AIDA: variants seen among roughly 807,000 people sequenced by gnomAD.
AIDA encodes the protein axin interactor, dorsalization-associated protein.
AIDA carries 18 observed loss-of-function variants against 42.7 expected under a neutral mutation model. That is an observed-to-expected ratio of 0.42 (90% CI 0.29 to 0.63). The LOEUF (loss-of-function observed/expected upper bound fraction) is 0.63, where lower values mean the gene tolerates loss of function less well. Ranked by LOEUF, AIDA falls within the 20% of genes least tolerant of loss-of-function variation. AIDA has a pLI of 0.19. For synonymous variants in AIDA, 104 were observed against 122.9 expected (o/e 0.85, Z 1.02); for missense variants, 250 against 354.1 (o/e 0.71, Z 2.36).
At chr1:222,695,653 A>G (rs1655498029) in intron 2 of AIDA, among the ~76,000 whole-genome samples, 1 of 152,004 alleles carries the variant, frequency 6.6e-6, no homozygotes, top group African/African-American at 2.4e-5. Context: ...AGATTCATAT[A>G]AGAAACATAT....
intron 2 of AIDA, among the ~76,000 whole-genome samples, chr1:222,698,379 G>A (rs1401850618): frequency 6.6e-6 from 1 of 151,074 alleles, no homozygotes; most frequent in Non-Finnish European, 1.5e-5. Flanking sequence ...AGAATTAATC[G>A]TCTTAAATAA....
chr1:222,672,831 G>T (rs1304236788), intron 8 of AIDA, among the ~76,000 whole-genome samples: 1 of 152,206 alleles, frequency 6.6e-6, no homozygotes, highest in Non-Finnish European at 1.5e-5. Flanking sequence ...AAAGCATGGG[G>T]AAGTATTTAA....
chr1:222,673,371 T>C lies in AIDA; in HGVS notation c.648A>G (p.Thr216=), dbSNP rs1045577723. 11 of 1,611,124 alleles carry C rather than the reference T, an allele frequency of 6.8e-6. No individual in the cohort carries two copies. Among genetic ancestry groups the C allele is most frequent in the African/African-American group, 4.0e-5 (3 of 74,856 alleles). Residue 216 remains threonine, a synonymous_variant, in exon 8 of 10, where the codon ACA becomes ACG. Coordinates refer to ENST00000340020, the MANE Select transcript of AIDA (RefSeq NM_022831.4). ...DTPVASRKED[T]YVHFNVDIEL... is the part of the protein sequence containing the mutation. ...CAATGTCCACATTAAAATGAACATA[T>C]GTATCTTCTTTTCTTGAAGCCACAG...
chr1:222,705,690 C>G (rs1330567966), intron 1 of AIDA, among the ~76,000 whole-genome samples: 1 of 152,124 alleles, frequency 6.6e-6, no homozygotes, highest in Non-Finnish European at 1.5e-5. Flanking sequence ...CGAGACCAGC[C>G]TAGCCAACAT....
intron 3 of AIDA, 113 bp from the exon 4 acceptor site, chr1:222,693,956 G>T: frequency 1.9e-6 from 2 of 1,025,776 alleles, no homozygotes; most frequent in African/African-American, 1.6e-5. Context: ...TGCTTTCAAG[G>T]TAGAAAATGA....
chr1:222,700,979 G>GC (rs939590949), intron 2 of AIDA, among the ~76,000 whole-genome samples: 4 of 145,586 alleles, frequency 2.7e-5, no homozygotes, highest in Non-Finnish European at 3.0e-5. Flanking sequence ...TTTGGGGGGG[G>GC]GGGGACAGGG....
At chr1:222,679,539 C>T (rs912074463) in intron 6 of AIDA, among the ~76,000 whole-genome samples, 1 of 152,176 alleles carries the variant, frequency 6.6e-6, no homozygotes, top group African/African-American at 2.4e-5. Flanking sequence ...TGTTCTAATC[C>T]TTTACATGTA....
At chr1:222,689,469 ATG>A (rs770894575) in intron 4 of AIDA, among the ~76,000 whole-genome samples, 1,057 of 61,246 alleles carry the variant, frequency 0.017, 20 homozygotes, top group South Asian at 0.04. Flanking sequence ...GAAAATATGT[ATG>A]TGTGTGTGTG....
chr1:222,708,493 G>A (rs1328386341), intron 1 of AIDA, among the ~76,000 whole-genome samples: 3 of 151,454 alleles, frequency 2.0e-5, no homozygotes, highest in African/African-American at 7.3e-5. Context: ...TCAGCCTCCC[G>A]AGCAGCTGGG....
chr1:222,689,393 T>A (rs1655285903), intron 4 of AIDA, among the ~76,000 whole-genome samples: 1 of 148,310 alleles, frequency 6.7e-6, no homozygotes, highest in South Asian at 2.1e-4. Context: ...CGAGCGGAGA[T>A]CATGCCACTG....
intron 2 of AIDA, among the ~76,000 whole-genome samples, chr1:222,700,634 A>G (rs1328677421): frequency 1.3e-5 from 2 of 151,800 alleles, no homozygotes; most frequent in Non-Finnish European, 2.9e-5. Flanking sequence ...CGGGCGCCTT[A>G]GTCCCAGCTA....
chr1:222,688,677 G>A (rs1024038879), intron 4 of AIDA, among the ~76,000 whole-genome samples: 7 of 151,354 alleles, frequency 4.6e-5, no homozygotes, highest in African/African-American at 1.7e-4. Flanking sequence ...TCAGCTCACT[G>A]CAACCTCTGC....
chr1:222,710,767 A>G (rs1329998014), intron 1 of AIDA, among the ~76,000 whole-genome samples: 3 of 152,216 alleles, frequency 2.0e-5, no homozygotes, highest in African/African-American at 7.2e-5. Context: ...TTGTGACCTG[A>G]GTAATCTGTT....
intron 6 of AIDA, among the ~76,000 whole-genome samples, chr1:222,686,014 G>A (rs1486544494): frequency 6.6e-6 from 1 of 152,176 alleles, no homozygotes; most frequent in Non-Finnish European, 1.5e-5. Context: ...ACAAAAATTA[G>A]CCGGGTGTGG....
chr1:222,676,939 C>CAA (rs921891553), intron 6 of AIDA, among the ~76,000 whole-genome samples: 1 of 148,834 alleles, frequency 6.7e-6, no homozygotes, highest in African/African-American at 2.5e-5. Context: ...AAAAAACAAA[C>CAA]AAAAAAAAAC....
chr1:222,680,007 A>C (rs1269606314), intron 6 of AIDA, among the ~76,000 whole-genome samples: 1 of 152,194 alleles, frequency 6.6e-6, no homozygotes, highest in Non-Finnish European at 1.5e-5. Context: ...ACTCGCTAGG[A>C]GCTCCACGCA....
At chr1:222,680,604 A>G (rs1362148269) in intron 6 of AIDA, among the ~76,000 whole-genome samples, 1 of 152,214 alleles carries the variant, frequency 6.6e-6, no homozygotes, top group African/African-American at 2.4e-5. Context: ...ATATGGTTGT[A>G]CCTGGATGGA....
chr1:222,678,047 T>TG (rs1664584770), intron 6 of AIDA, among the ~76,000 whole-genome samples: 1 of 152,186 alleles, frequency 6.6e-6, no homozygotes, highest in Non-Finnish European at 1.5e-5. Context: ...TTAAAGGGAC[T>TG]ATTACCACTT....
chr1:222,703,148 C>G lies in AIDA; in HGVS notation c.180G>C (p.Lys60Asn). ...HNNSEFTEEQ[K>N]KTIGKIATCL... ...ATATCTAGAGATTATTTTATGGTAC[C>G]TTTTGTTCTTCTGTGAATTCAGAAT... The change falls in exon 2 of 10, where the codon AAG (lysine) becomes AAC (asparagine). Residue 60 changes from lysine (K) to asparagine (N), a missense_variant and splice_region_variant. This residue lies in a region of AIDA where 199 missense variants were observed against 232.6 expected (regional missense o/e 0.86). Transcript: ENST00000340020. 1.2e-6 allele frequency: 2 copies of G among 1,600,722 alleles called. No individual in the cohort carries two copies. Among genetic ancestry groups the G allele is most frequent in the Non-Finnish European group, 1.7e-6 (2 of 1,174,518 alleles).
Sources: gnomAD v4.1 joint callset for allele counts (sites outside exome capture counted in the v4.1 genomes callset) on GRCh38, gnomAD v4.1.1 for gene constraint, gnomAD v4.1.1 regional missense constraint, MANE v1.5 for transcripts, NCBI Gene and HGNC (gene_info 2026-07-23, HGNC 2026-07-21) for gene names.